Variants in CDC42BPB observed in about 807,000 individuals in gnomAD.
CDC42BPB encodes the protein CDC42 binding protein kinase beta.
A neutral mutation model predicts 214.9 loss-of-function variants in CDC42BPB; 37 were observed. That is an observed-to-expected ratio of 0.17 (90% CI 0.13 to 0.23). The LOEUF (loss-of-function observed/expected upper bound fraction) is 0.23, where lower values mean the gene tolerates loss of function less well. Among genes scored for constraint, CDC42BPB ranks in the 10% least tolerant of loss-of-function variants. CDC42BPB has a pLI of 1.00. For synonymous variants in CDC42BPB, 931 were observed against 884.0 expected, an observed-to-expected ratio of 1.05 and a Z score of -0.94; for missense variants, 1,694 against 2,227.0, an observed-to-expected ratio of 0.76 and a Z score of 4.82.
At chr14:103,053,230 C>T (rs1888709853) in intron 1 of CDC42BPB, among the ~76,000 whole-genome samples, 1 of 152,036 alleles carries the variant, frequency 6.6e-6, no homozygotes, top group Admixed American at 6.5e-5. Flanking sequence ...CACCTATAAT[C>T]CCAGCTACTC....
intron 16 of CDC42BPB, among the ~76,000 whole-genome samples, chr14:102,967,534 G>A (rs988039120): frequency 6.6e-6 from 1 of 152,232 alleles, no homozygotes; most frequent in East Asian, 1.9e-4. Context: ...CACACACAGC[G>A]TGAATGCACT....
intron 3 of CDC42BPB, among the ~76,000 whole-genome samples, chr14:103,007,340 A>T (rs1056823490): frequency 7.9e-5 from 12 of 152,188 alleles, no homozygotes; most frequent in African/African-American, 2.7e-4. Flanking sequence ...CGAGGAACCG[A>T]TAACACCCAC....
At chr14:102,942,307 T>C (rs917986765) in intron 30 of CDC42BPB, among the ~76,000 whole-genome samples, 1 of 152,128 alleles carries the variant, frequency 6.6e-6, no homozygotes, top group Non-Finnish European at 1.5e-5. Flanking sequence ...GAGCTGGCCG[T>C]GCACCTCACA....
chr14:103,037,926 G>A (rs1887758072), intron 1 of CDC42BPB, among the ~76,000 whole-genome samples: 1 of 152,022 alleles, frequency 6.6e-6, no homozygotes, highest in African/African-American at 2.4e-5. Flanking sequence ...CTACTTGGGA[G>A]GCTGAGGCAG....
At chr14:103,043,273 C>T (rs917876523) in intron 1 of CDC42BPB, among the ~76,000 whole-genome samples, 1 of 152,062 alleles carries the variant, frequency 6.6e-6, no homozygotes, top group Non-Finnish European at 1.5e-5. Context: ...AATAAATAAA[C>T]AAAAGGTAAA....
chr14:102,985,105 G>C (rs967367654), intron 6 of CDC42BPB, among the ~76,000 whole-genome samples: 2 of 151,896 alleles, frequency 1.3e-5, no homozygotes, highest in African/African-American at 4.8e-5. Context: ...GAGGTGAGGA[G>C]GGTAACCCAT....
chr14:102,960,058 T>C (rs1892889759), intron 20 of CDC42BPB, among the ~76,000 whole-genome samples: 1 of 151,718 alleles, frequency 6.6e-6, no homozygotes, highest in Non-Finnish European at 1.5e-5. Context: ...AATACAAAAA[T>C]TAGCTGTGCA....
intron 1 of CDC42BPB, among the ~76,000 whole-genome samples, chr14:103,044,850 T>C (rs537671648): frequency 3.0e-4 from 46 of 151,470 alleles, no homozygotes; most frequent in African/African-American, 1.1e-3. Context: ...TAACCACTGA[T>C]AAAATCAACA....
chr14:103,049,910 A>G (rs1249959168), intron 1 of CDC42BPB, among the ~76,000 whole-genome samples: 2 of 152,122 alleles, frequency 1.3e-5, no homozygotes, highest in Non-Finnish European at 2.9e-5. Context: ...ACGGGGTTTC[A>G]CCATGTTGGC....
chr14:102,935,013 C>CAAAAAAAA (rs35596449), intron 36 of CDC42BPB, among the ~76,000 whole-genome samples: 10 of 71,254 alleles, frequency 1.4e-4, no homozygotes, highest in Non-Finnish European at 1.5e-4. Flanking sequence ...GACTCTGTCT[C>CAAAAAAAA]AAAAAAAAAA....
In CDC42BPB at chr14:102,946,912, A is replaced by G. The variant is rs34674693; in HGVS notation, c.3532-228T>C. ...CCCCGTGAGATCGCTTCCTGGTCCC[A>G]TTTTCGTTAATTCTGCTTTTGTCAA... is the stretch of plus-strand genomic sequence containing the variant. On this transcript the variant is annotated intron_variant, in intron 27 of 36. Coordinates refer to ENST00000361246, the MANE Select transcript of CDC42BPB (RefSeq NM_006035.4). 2.0e-4 allele frequency: 190 copies of G among 972,026 alleles called. 3 individuals are homozygous for G. The East Asian group carries it at 0.013, about 68-fold the overall frequency. The allele number at this position is 972,026 out of a possible 1,614,324, so 60.2% of individuals were successfully genotyped here. A position where few individuals can be genotyped will look rare whatever the true frequency, so the allele number is the denominator to read the frequency against.
At chr14:103,030,463 A>G (rs1231556326) in intron 1 of CDC42BPB, among the ~76,000 whole-genome samples, 1 of 152,218 alleles carries the variant, frequency 6.6e-6, no homozygotes, top group Non-Finnish European at 1.5e-5. Flanking sequence ...TGGGAGACCA[A>G]GGTGTGTGGA....
intron 13 of CDC42BPB, among the ~76,000 whole-genome samples, chr14:102,970,790 G>A (rs985451648): frequency 6.6e-6 from 1 of 152,136 alleles, no homozygotes; most frequent in African/African-American, 2.4e-5. Flanking sequence ...ACTAACTTCA[G>A]TTTTAACTGC....
At position 102,943,070 on chromosome 14, in the gene CDC42BPB, A is replaced by G. The variant is rs1478600938; in HGVS notation, c.4408+821T>C. On this transcript the variant is annotated intron_variant, in intron 30 of 36. Transcript: ENST00000361246. The surrounding 1 kb of genome is among the most constrained non-coding windows in gnomAD (Gnocchi z 4.6). ...GTATTTTTAGTAGAGATGGGGTTTC[A>G]CCCTATTAGCCAGGATGGTCTCGAT... Among the ~76,000 whole-genome samples the G allele has an allele frequency of 6.6e-6, 1 of 151,808 alleles. No individual in the cohort carries two copies. The highest frequency in any genetic ancestry group is 2.4e-5 in the African/African-American group (1 of 41,282).
chr14:102,974,472 G>C (rs1276230329), intron 11 of CDC42BPB, among the ~76,000 whole-genome samples: 2 of 152,206 alleles, frequency 1.3e-5, no homozygotes, highest in Non-Finnish European at 2.9e-5. Flanking sequence ...ACCCAGCACA[G>C]TGCCTGGCCC....
At chr14:102,993,603 A>G (rs543786622) in intron 5 of CDC42BPB, among the ~76,000 whole-genome samples, 1 of 152,264 alleles carries the variant, frequency 6.6e-6, no homozygotes, top group Non-Finnish European at 1.5e-5. Flanking sequence ...GCAGAAGCAG[A>G]CCCAGCCCTT....
At chr14:103,046,977 T>C (rs886715317) in intron 1 of CDC42BPB, among the ~76,000 whole-genome samples, 2 of 151,154 alleles carry the variant, frequency 1.3e-5, no homozygotes, top group African/African-American at 4.9e-5. Flanking sequence ...TTTCTGACAC[T>C]GTATCTTTCA....
At chr14:103,035,938 G>A (rs922576441) in intron 1 of CDC42BPB, among the ~76,000 whole-genome samples, 2 of 152,042 alleles carry the variant, frequency 1.3e-5, no homozygotes, top group Admixed American at 6.6e-5. Flanking sequence ...GATCGCTTTA[G>A]CTCAGGAGTT....
At chr14:103,002,298 C>T (rs1244397314) in intron 4 of CDC42BPB, among the ~76,000 whole-genome samples, 3 of 152,170 alleles carry the variant, frequency 2.0e-5, no homozygotes, top group Non-Finnish European at 2.9e-5. Flanking sequence ...GCCTCGCCTT[C>T]GTTTTCTCAT....
Sources: gnomAD v4.1 joint callset for allele counts (sites outside exome capture counted in the v4.1 genomes callset) on GRCh38, gnomAD v4.1.1 for gene constraint, Gnocchi (gnomAD v3.1) non-coding constraint, MANE v1.5 for transcripts, NCBI Gene and HGNC (gene_info 2026-07-23, HGNC 2026-07-21) for gene names.